FSTL4: variants seen among roughly 807,000 people sequenced by gnomAD.
The protein encoded by FSTL4 is follistatin like 4, also known as follistatin-related protein 4.
In FSTL4, 28 loss-of-function variants were observed where a neutral mutation model predicts 78.2. The ratio of observed to expected loss-of-function variants is 0.36; its 90% confidence interval spans 0.27 to 0.49. The LOEUF (loss-of-function observed/expected upper bound fraction) is 0.49, where lower values mean the gene tolerates loss of function less well. Among genes scored for constraint, FSTL4 ranks in the 20% least tolerant of loss-of-function variants. The pLI, the probability that FSTL4 is intolerant of heterozygous loss-of-function variation, is 0.98. For synonymous variants in FSTL4, 422 were observed against 440.5 expected (o/e 0.96, Z 0.53); for missense variants, 922 against 1,084.9 (o/e 0.85, Z 2.11).
chr5:133,209,228 A>T (rs1391933668), intron 14 of FSTL4, among the ~76,000 whole-genome samples: 1 of 152,068 alleles, frequency 6.6e-6, no homozygotes, highest in Non-Finnish European at 1.5e-5. Flanking sequence ...GTGGCCTCAG[A>T]GTATAGAAAC....
intron 3 of FSTL4, among the ~76,000 whole-genome samples, chr5:133,494,944 C>A (rs188928714): frequency 3.1e-4 from 47 of 152,286 alleles, no homozygotes; most frequent in African/African-American, 1.1e-3. Flanking sequence ...CTGTAGGTTA[C>A]GTTTAGTAAA....
the FSTL4 span, among the ~76,000 whole-genome samples, chr5:133,702,831 C>T: frequency 7.9e-5 from 12 of 152,196 alleles, no homozygotes; most frequent in African/African-American, 2.7e-4. Flanking sequence ...GAGCCTGGCA[C>T]TCACTGAAGA....
intron 4 of FSTL4, among the ~76,000 whole-genome samples, chr5:133,362,164 G>T (rs560514866): frequency 6.6e-6 from 1 of 152,312 alleles, no homozygotes; most frequent in South Asian, 2.1e-4. Flanking sequence ...TGTATCAGTT[G>T]TATTTGTAGA....
chr5:133,661,725 T>C, the FSTL4 span, among the ~76,000 whole-genome samples: 1 of 152,242 alleles, frequency 6.6e-6, no homozygotes, highest in Non-Finnish European at 1.5e-5. Flanking sequence ...TATCTCATAA[T>C]CATTTCTTAG....
chr5:133,443,887 C>G (rs1487337705), intron 3 of FSTL4, among the ~76,000 whole-genome samples: 1 of 152,230 alleles, frequency 6.6e-6, no homozygotes, highest in Non-Finnish European at 1.5e-5. Flanking sequence ...AGAATACTCC[C>G]CCTCACTCTC....
At chr5:133,743,228 G>A in the FSTL4 span, among the ~76,000 whole-genome samples, 1 of 152,180 alleles carries the variant, frequency 6.6e-6, no homozygotes, top group South Asian at 2.1e-4. Flanking sequence ...CTGAGACTAG[G>A]AGAAGGCAAA....
intron 3 of FSTL4, among the ~76,000 whole-genome samples, chr5:133,451,800 G>T (rs2057760021): frequency 6.6e-6 from 1 of 152,180 alleles, no homozygotes; most frequent in African/African-American, 2.4e-5. Context: ...AAACAGAATT[G>T]TTCAAGTTGG....
chr5:133,375,377 T>C (rs1048019594), intron 4 of FSTL4, among the ~76,000 whole-genome samples: 1 of 146,754 alleles, frequency 6.8e-6, no homozygotes, highest in African/African-American at 2.5e-5. Flanking sequence ...ATCACTTTTA[T>C]TTTTCTCTTT....
At chr5:133,448,303 C>T (rs1383281202) in intron 3 of FSTL4, among the ~76,000 whole-genome samples, 3 of 152,184 alleles carry the variant, frequency 2.0e-5, no homozygotes, top group Admixed American at 6.5e-5. Context: ...GCCCAGGGAC[C>T]GTCCTCAGTG....
At chr5:133,502,427 T>C (rs991852885) in intron 3 of FSTL4, among the ~76,000 whole-genome samples, 2 of 152,146 alleles carry the variant, frequency 1.3e-5, no homozygotes, top group African/African-American at 4.8e-5. Flanking sequence ...CCCTAGCTAA[T>C]AGTCGGCAAA....
At chr5:133,640,456 C>T in the FSTL4 span, among the ~76,000 whole-genome samples, 1 of 152,244 alleles carries the variant, frequency 6.6e-6, no homozygotes, top group South Asian at 2.1e-4. Context: ...TCTGGGACAC[C>T]GTGTACCTAG....
intron 3 of FSTL4, among the ~76,000 whole-genome samples, chr5:133,421,402 G>A (rs184013337): frequency 5.9e-5 from 9 of 152,368 alleles, no homozygotes; most frequent in Non-Finnish European, 2.9e-5. Flanking sequence ...TACAAATTAT[G>A]TGGCCAGTTC....
Position 133,400,933 on chromosome 5 carries a change from G to A in FSTL4, c.214C>T (p.Arg72Ter), listed in dbSNP as rs367775547. Residue 72 changes from arginine (R) to a stop codon, truncating the protein, a stop_gained, in exon 4 of 16, where the codon CGA becomes TGA. Transcript: ENST00000265342. LOFTEE classifies it high-confidence loss of function. The part of the protein sequence containing the change: ...LASCGKKFCS[R>*]GSRCVLSRKT... ...CTGCTGAGCACGCACCGGCTCCCTC[G>A]GCTGCAGAACTTCTTCCCGCAGGAG... 7.4e-6 allele frequency: 12 copies of A among 1,613,280 alleles called. No individual in the cohort carries two copies. Among genetic ancestry groups the A allele is most frequent in the Admixed American group, 1.7e-5 (1 of 60,010 alleles).
intron 3 of FSTL4, among the ~76,000 whole-genome samples, chr5:133,543,048 T>C (rs549402881): frequency 2.6e-5 from 4 of 152,176 alleles, no homozygotes; most frequent in African/African-American, 9.6e-5. Context: ...GTTTAACTCA[T>C]CAACTTTGGT....
At chr5:133,547,520 G>A (rs917545025) in intron 3 of FSTL4, among the ~76,000 whole-genome samples, 1 of 152,218 alleles carries the variant, frequency 6.6e-6, no homozygotes, top group Non-Finnish European at 1.5e-5. Context: ...CCCCAGTGTG[G>A]TGGTGTTGGG....
At chr5:133,617,298 CAA>C (rs145317097), upstream of FSTL4, among the ~76,000 whole-genome samples, 14,541 of 60,228 alleles carry the variant, frequency 0.24, 432 homozygotes, top group Middle Eastern at 0.28. Flanking sequence ...GACTCCATCT[CAA>C]AAAAAAAAAA....
chr5:133,317,350 C>A (rs1486447048), intron 4 of FSTL4, among the ~76,000 whole-genome samples: 1 of 152,174 alleles, frequency 6.6e-6, no homozygotes, highest in Non-Finnish European at 1.5e-5. Flanking sequence ...TTGCTGGTGA[C>A]GGGCTTCTAG....
At chr5:133,262,623 GGCTGCACT>G (rs1295518632) in intron 6 of FSTL4, among the ~76,000 whole-genome samples, 1 of 152,222 alleles carries the variant, frequency 6.6e-6, no homozygotes, top group Non-Finnish European at 1.5e-5. Flanking sequence ...CTTTGCTGCA[GGCTGCACT>G]GCCCAGCCTG....
intron 1 of FSTL4, among the ~76,000 whole-genome samples, chr5:133,607,580 A>G (rs1404503703): frequency 6.6e-6 from 1 of 152,174 alleles, no homozygotes; most frequent in African/African-American, 2.4e-5. Flanking sequence ...AGGCACGTAG[A>G]CCCACGACAT....
Sources: gnomAD v4.1 joint callset for allele counts (sites outside exome capture counted in the v4.1 genomes callset) on GRCh38, gnomAD v4.1.1 for gene constraint, MANE v1.5 for transcripts, NCBI Gene and HGNC (gene_info 2026-07-23, HGNC 2026-07-21) for gene names.